SLC12A3: variants seen among roughly 807,000 people sequenced by gnomAD.
SLC12A3 encodes Na-Cl cotransporter.
SLC12A3 carries 104 observed loss-of-function variants against 121.0 expected under a neutral mutation model. That is an observed-to-expected ratio of 0.86 (90% CI 0.73 to 1.01). The LOEUF is 1.01. Among genes scored for constraint, SLC12A3 ranks in the 50% least tolerant of loss-of-function variants. The pLI is 0.00. For synonymous variants in SLC12A3, 536 were observed against 533.4 expected (o/e 1.00, Z -0.07); for missense variants, 1,328 against 1,356.3 (o/e 0.98, Z 0.33).
chr16:56,905,671 G>A (rs1277013940), intron 25 of SLC12A3, among the ~76,000 whole-genome samples: 1 of 152,178 alleles, frequency 6.6e-6, no homozygotes, highest in African/African-American at 2.4e-5. Flanking sequence ...GGGGCACCTT[G>A]CTCAGAAACT....
intron 8 of SLC12A3, among the ~76,000 whole-genome samples, chr16:56,873,559 G>A (rs562814594): frequency 1.9e-4 from 28 of 150,110 alleles, no homozygotes; most frequent in African/African-American, 6.6e-4. Flanking sequence ...GTTAATATTT[G>A]TATTTTTTAG....
At chr16:56,868,589 G>A (rs1964415724) in intron 3 of SLC12A3, among the ~76,000 whole-genome samples, 2 of 152,250 alleles carry the variant, frequency 1.3e-5, no homozygotes, top group Non-Finnish European at 2.9e-5. Flanking sequence ...CATGGGGTCA[G>A]CAGGCCTAAG....
At chr16:56,901,808 C>T (rs754298880) in intron 23 of SLC12A3, among the ~76,000 whole-genome samples, 2 of 152,212 alleles carry the variant, frequency 1.3e-5, no homozygotes, top group Non-Finnish European at 2.9e-5. Context: ...TGCTCCAGCA[C>T]ACAGGATCCT....
chr16:56,870,518 TCGTCCTAGCAGAGTGCACCG>T, intron 5 of SLC12A3, 88 bp from the exon 6 acceptor site: 2 of 829,276 alleles, frequency 2.4e-6, no homozygotes, highest in Non-Finnish European at 2.1e-6. Context: ...TGAGTTAACA[TCGTCCTAGCAGAGTGCACCG>T]CACAGGAGGT....
rs2144685297 is a variant in SLC12A3 at position 56,868,344 on chromosome 16, G to C, written c.477G>C (p.Leu159=). 6.2e-7 allele frequency: 1 copy of C among 1,613,774 alleles called. No individual in the cohort carries two copies. Among genetic ancestry groups the C allele is most frequent in the Non-Finnish European group, 8.5e-7 (1 of 1,179,920 alleles). ...NIWGVILYLR[L]PWITAQAGIV... ...GGGGCGTGATCCTCTACCTGCGGCT[G>C]CCCTGGATTACGGCCCAGGCAGGCA... The change falls in exon 3 of 26, where the codon CTG becomes CTC. Residue 159 remains leucine (L), a synonymous_variant. Transcript: ENST00000563236.
At chr16:56,909,811 C>T (rs1233513465) in intron 25 of SLC12A3, among the ~76,000 whole-genome samples, 1 of 152,066 alleles carries the variant, frequency 6.6e-6, no homozygotes, top group Non-Finnish European at 1.5e-5. Flanking sequence ...AAAAAAATCT[C>T]CCAAGCCTCG....
At position 56,880,323 on chromosome 16, in the gene SLC12A3, C is replaced by T. The variant is rs576390222; in HGVS notation, c.1567+70C>T. Reference sequence around the variant, plus strand: ...TGGCCGGCCATGAGGGTCTTGGGGGCCGGGCTCTTCTCCTGTCTCCTCATC... The same window carrying T: ...TGGCCGGCCATGAGGGTCTTGGGGGTCGGGCTCTTCTCCTGTCTCCTCATC... On this transcript the variant is annotated intron_variant, in intron 12 of 25. Transcript: ENST00000563236. 30 of 1,520,720 alleles carry T rather than the reference C, an allele frequency of 2.0e-5. No homozygotes were observed. In the African/African-American group the frequency reaches 2.9e-4, roughly 15 times the overall value. 94.2% of individuals were successfully genotyped at this position (1,520,720 alleles called of 1,614,324 possible).
chr16:56,884,606 C>A (rs1477517321), intron 14 of SLC12A3, among the ~76,000 whole-genome samples: 5 of 152,168 alleles, frequency 3.3e-5, no homozygotes, highest in African/African-American at 7.2e-5. Flanking sequence ...CGGGCAAGGT[C>A]TCTACTTGGC....
chr16:56,908,990 C>T (rs7350872), intron 25 of SLC12A3, among the ~76,000 whole-genome samples: 29,671 of 152,200 alleles, frequency 0.19, 3,216 homozygotes, highest in Non-Finnish European at 0.25. Context: ...GATTAGCCCA[C>T]TGTGTGGCCT....
In SLC12A3 at chr16:56,887,959, T is replaced by G. The variant is rs2144733006; in HGVS notation, c.2213T>G (p.Leu738Arg). ...AGLGRMKPNI[L>R]VVGFKKNWQS... is the part of the protein sequence containing the mutation. The stretch of plus-strand genomic sequence containing the variant: ...CTCGGGAGAATGAAGCCCAACATTC[T>G]GGTGGTTGGGTTCAAGAAGAACTGG... Residue 738 changes from leucine (L) to arginine (R), a missense_variant, in exon 18 of 26, where the codon CTG becomes CGG. Coordinates refer to ENST00000563236, the MANE Select transcript of SLC12A3 (RefSeq NM_001126108.2). 6 of 1,613,186 alleles carry G rather than the reference T, an allele frequency of 3.7e-6. No homozygotes were observed. Among genetic ancestry groups the G allele is most frequent in the Non-Finnish European group, 5.1e-6 (6 of 1,179,556 alleles).
chr16:56,908,520 G>T (rs1258722933), intron 25 of SLC12A3, among the ~76,000 whole-genome samples: 1 of 151,924 alleles, frequency 6.6e-6, no homozygotes, highest in Non-Finnish European at 1.5e-5. Flanking sequence ...TGTGACTTAA[G>T]GCATTAGAAA....
intron 13 of SLC12A3, among the ~76,000 whole-genome samples, chr16:56,882,994 C>T (rs1478427904): frequency 5.9e-5 from 9 of 152,190 alleles, no homozygotes; most frequent in African/African-American, 1.2e-4. Context: ...TCCTTTCTCG[C>T]GCACTGACAG....
chr16:56,911,785 G>A (rs1052146796), intron 25 of SLC12A3, among the ~76,000 whole-genome samples: 4 of 152,314 alleles, frequency 2.6e-5, no homozygotes, highest in South Asian at 2.1e-4. Flanking sequence ...TCAAGACCTC[G>A]GTTCGAATTC....
chr16:56,884,239 C>T (rs777444428), intron 14 of SLC12A3, 35 bp downstream of exon 14: 2 of 1,611,274 alleles, frequency 1.2e-6, no homozygotes, highest in Non-Finnish European at 8.5e-7. Flanking sequence ...CGGCCCTCCT[C>T]CCCCAGGGTA....
chr16:56,904,601 T>C (rs1263694875), intron 25 of SLC12A3, 139 bp downstream of exon 25: 1 of 802,882 alleles, frequency 1.2e-6, no homozygotes, highest in African/African-American at 1.7e-5. Flanking sequence ...CCCATAAACA[T>C]AGCCCTGGCG....
chr16:56,909,137 CATTT>C (rs775489628), intron 25 of SLC12A3, among the ~76,000 whole-genome samples: 23 of 152,148 alleles, frequency 1.5e-4, no homozygotes, highest in Non-Finnish European at 2.6e-4. Context: ...CTCAGCTGGG[CATTT>C]ATTTGTCATT....
chr16:56,887,739 G>C (rs2055332881), intron 17 of SLC12A3, among the ~76,000 whole-genome samples, 186 bp from the exon 18 acceptor site: 1 of 125,428 alleles, frequency 8.0e-6, no homozygotes. Context: ...TCCCAATAAA[G>C]TTTTGTTTTG....
chr16:56,909,009 A>T (rs1138429), intron 25 of SLC12A3, among the ~76,000 whole-genome samples: 13,221 of 152,224 alleles, frequency 0.087, 730 homozygotes, highest in East Asian at 0.19. Context: ...CTTGGGTAAG[A>T]CCCCATGTCT....
rs886052176 is a variant in SLC12A3, at chr16:56,915,783, A to T, written c.*2378A>T. On this transcript the variant is annotated 3_prime_UTR_variant, in exon 26 of 26. Transcript: ENST00000563236. ...AATAGTAATAGCTTTGTAAAAAAAT[A>T]AAAAGCTTTAACAGCGAGGCCATAA... is the stretch of plus-strand genomic sequence containing the variant. 2.0e-4 allele frequency: 30 copies of T among 152,248 alleles called. No individual in the cohort carries two copies. Among genetic ancestry groups the T allele is most frequent in the Non-Finnish European group, 4.4e-5 (3 of 68,044 alleles). The allele number at this position is 152,248 out of a possible 1,614,324, so 9.4% of individuals were successfully genotyped here.
Sources: allele counts gnomAD v4.1 joint callset (sites outside exome capture counted in the v4.1 genomes callset), GRCh38; gene constraint gnomAD v4.1.1; transcripts MANE v1.5; gene names NCBI Gene and HGNC (gene_info 2026-07-23, HGNC 2026-07-21).